The following CEP170 variants were observed in gnomAD, a reference collection of about 807,000 sequenced individuals.
CEP170 encodes the protein centrosomal protein 170, also known as centrosomal protein of 170 kDa.
In CEP170, 21 loss-of-function variants were observed where a neutral mutation model predicts 151.9. That is an observed-to-expected ratio of 0.14 (90% CI 0.10 to 0.20). The LOEUF is 0.20. CEP170 is among the 10% of genes least tolerant of loss of function. The pLI is 1.00. For synonymous variants in CEP170, 356 were observed against 648.8 expected (o/e 0.55, Z 6.86); for missense variants, 964 against 1,892.9 (o/e 0.51, Z 9.11).
intron 14 of CEP170, among the ~76,000 whole-genome samples, chr1:243,152,722 G>C (rs988218230): frequency 4.0e-5 from 6 of 150,026 alleles, no homozygotes; most frequent in Non-Finnish European, 8.9e-5. Context: ...TAGTAGAGAC[G>C]GGGTTTCACC....
intron 3 of CEP170, among the ~76,000 whole-genome samples, chr1:243,215,208 A>G (rs1238027850): frequency 1.3e-5 from 2 of 152,158 alleles, no homozygotes; most frequent in African/African-American, 4.8e-5. Flanking sequence ...ATGTCGCCTC[A>G]GGACCCTGTG....
chr1:243,142,744 G>A (rs1453202908), intron 14 of CEP170, among the ~76,000 whole-genome samples: 1 of 152,126 alleles, frequency 6.6e-6, no homozygotes. Context: ...TTAATGACTA[G>A]CATTAATACA....
chr1:243,145,018 C>T (rs188529357), intron 14 of CEP170, among the ~76,000 whole-genome samples: 2,423 of 151,886 alleles, frequency 0.016, 70 homozygotes, highest in African/African-American at 0.055. Flanking sequence ...TTATAATTTT[C>T]CTATGTAAAT....
At chr1:243,238,575 T>G (rs960405837) in intron 1 of CEP170, among the ~76,000 whole-genome samples, 1 of 152,184 alleles carries the variant, frequency 6.6e-6, no homozygotes, top group Non-Finnish European at 1.5e-5. Context: ...CAAGTGGAAG[T>G]AACCCAAAAC....
At chr1:243,243,897 T>C (rs1405856589) in intron 1 of CEP170, among the ~76,000 whole-genome samples, 1 of 151,860 alleles carries the variant, frequency 6.6e-6, no homozygotes, top group Non-Finnish European at 1.5e-5. Flanking sequence ...AAGGAATAAC[T>C]CAATGTCATC....
chr1:243,208,314 C>G (rs149106243), intron 4 of CEP170, among the ~76,000 whole-genome samples: 6,801 of 150,226 alleles, frequency 0.045, 309 homozygotes, highest in African/African-American at 0.12. Context: ...TTTCTTTGAA[C>G]AAGAGTAGCC....
At position 243,191,040 on chromosome 1, in the gene CEP170, T is replaced by C. The variant is rs745497496; in HGVS notation, c.1086A>G (p.Pro362=). 5.1e-5 allele frequency: 81 copies of C among 1,597,204 alleles called. No homozygotes were observed. The highest frequency in any genetic ancestry group is 2.3e-5 in the South Asian group (2 of 88,602). The change falls in exon 8 of 20, where the codon CCA becomes CCG. Residue 362 remains proline (P), a synonymous_variant. Coordinates refer to ENST00000366542, the MANE Select transcript of CEP170 (RefSeq NM_014812.3). ...TACCTTTCAACCTTTTCAAGTACAC[T>C]GGAACATCACTTTTAATGCTTTTAG... ...EDSKSIKSDV[P]VYLKRLKGNK...
chr1:243,207,500 A>G (rs2061502266), intron 4 of CEP170, among the ~76,000 whole-genome samples: 1 of 152,126 alleles, frequency 6.6e-6, no homozygotes, highest in East Asian at 1.9e-4. Flanking sequence ...TCAGTAAAAT[A>G]CAGCAGACCT....
chr1:243,190,888 A>C, intron 8 of CEP170, 130 bp downstream of exon 8: 1 of 1,389,548 alleles, frequency 7.2e-7, no homozygotes, highest in Non-Finnish European at 9.5e-7. Flanking sequence ...TTTAGTTTTA[A>C]GACTAAATAT....
rs1297055436 is a variant in CEP170 at position 243,137,128 on chromosome 1, T to C, written c.4231-897A>G. On this transcript the variant is annotated intron_variant, in intron 16 of 19. Transcript: ENST00000366542. ...AATGAGCAAATTATGCATGTGGACA[T>C]AGCCGTGTTGTAACAAAACTTTTAC... Among the ~76,000 whole-genome samples the C allele has an allele frequency of 1.1e-4, 17 of 152,356 alleles. No individual in the cohort carries two copies. The East Asian group carries it at 3.3e-3, about 29-fold the overall frequency.
At chr1:243,192,398 AATAC>A (rs2060359950) in intron 7 of CEP170, among the ~76,000 whole-genome samples, 1 of 152,194 alleles carries the variant, frequency 6.6e-6, no homozygotes, top group Non-Finnish European at 1.5e-5. Flanking sequence ...TTATGAATAA[AATAC>A]ATAAATAAAA....
intron 10 of CEP170, among the ~76,000 whole-genome samples, chr1:243,180,875 A>C (rs1194840044): frequency 6.6e-6 from 1 of 152,184 alleles, no homozygotes; most frequent in Non-Finnish European, 1.5e-5. Context: ...ACCAGGCCCT[A>C]TGAGGGAAGA....
At chr1:243,233,053 G>GC (rs2063896524) in intron 1 of CEP170, among the ~76,000 whole-genome samples, 1 of 152,106 alleles carries the variant, frequency 6.6e-6, no homozygotes, top group Non-Finnish European at 1.5e-5. Flanking sequence ...ATTCAATCTA[G>GC]CCATTAAAAA....
At chr1:243,252,162 C>G (rs1337936937) in intron 1 of CEP170, among the ~76,000 whole-genome samples, 2 of 152,120 alleles carry the variant, frequency 1.3e-5, no homozygotes, top group Non-Finnish European at 2.9e-5. Flanking sequence ...ATCTACTCAC[C>G]AAGCATTCTT....
At chr1:243,204,553 G>A (rs1288249104) in intron 4 of CEP170, among the ~76,000 whole-genome samples, 1 of 152,136 alleles carries the variant, frequency 6.6e-6, no homozygotes, top group Non-Finnish European at 1.5e-5. Context: ...AGATATTTAA[G>A]TAATGTGTAA....
intron 7 of CEP170, among the ~76,000 whole-genome samples, chr1:243,192,438 G>A (rs910930722): frequency 2.0e-5 from 3 of 152,068 alleles, no homozygotes; most frequent in South Asian, 2.1e-4. Context: ...TTTTCGGTAC[G>A]CAAATGCAAA....
At chr1:243,162,324 C>T (rs1214293636) in intron 13 of CEP170, among the ~76,000 whole-genome samples, 5 of 152,088 alleles carry the variant, frequency 3.3e-5, no homozygotes, top group Non-Finnish European at 5.9e-5. Flanking sequence ...CTTATTCTGC[C>T]CCTGCCACTG....
At chr1:243,192,049 C>A (rs1429959216) in intron 7 of CEP170, among the ~76,000 whole-genome samples, 4 of 152,158 alleles carry the variant, frequency 2.6e-5, no homozygotes, top group Admixed American at 6.5e-5. Context: ...CCATTACATT[C>A]GGAAACATTA....
chr1:243,186,028 C>G lies in CEP170; in HGVS notation c.1317G>C (p.Gly439=). 1.9e-6 allele frequency: 3 copies of G among 1,613,722 alleles called. No individual in the cohort carries two copies. The highest frequency in any genetic ancestry group is 2.5e-6 in the Non-Finnish European group (3 of 1,179,690). Residue 439 remains glycine (G), a synonymous_variant, in exon 10 of 20, where the codon GGG becomes GGC. Coordinates refer to ENST00000366542, the MANE Select transcript of CEP170 (RefSeq NM_014812.3). Reference sequence around the variant, plus strand: ...CCTCTGATTTCTGTTTTAACAATTTCCCATGTGGAACACCATGCCCCCCTC... The same window carrying G: ...CCTCTGATTTCTGTTTTAACAATTTGCCATGTGGAACACCATGCCCCCCTC... ...HHRGGHGVPH[G]KLLKQKSEEP...
Sources: gnomAD v4.1 joint callset for allele counts (sites outside exome capture counted in the v4.1 genomes callset) on GRCh38, gnomAD v4.1.1 for gene constraint, MANE v1.5 for transcripts, NCBI Gene and HGNC (gene_info 2026-07-23, HGNC 2026-07-21) for gene names.